SLC38A7: variants seen among roughly 807,000 people sequenced by gnomAD.
SLC38A7 encodes solute carrier family 38 member 7, also known as sodium-coupled neutral amino acid transporter 7.
SLC38A7 carries 29 observed loss-of-function variants against 50.1 expected under a neutral mutation model. The ratio of observed to expected loss-of-function variants is 0.58; its 90% CI spans 0.43 to 0.79. The LOEUF is 0.79. SLC38A7 is among the 30% of genes least tolerant of loss of function. The pLI, the probability that SLC38A7 is intolerant of heterozygous loss-of-function variation, is 0.00. For missense variants in SLC38A7, 483 were observed against 610.6 expected, an observed-to-expected ratio of 0.79 and a Z score of 2.20; for synonymous variants, 244 against 245.9, an observed-to-expected ratio of 0.99 and a Z score of 0.07.
intron 2 of SLC38A7, among the ~76,000 whole-genome samples, chr16:58,680,564 T>G (rs2044369186): frequency 6.6e-6 from 1 of 152,206 alleles, no homozygotes; most frequent in Non-Finnish European, 1.5e-5. Context: ...ATCCTTAGGA[T>G]GGTCTTGTGG....
chr16:58,680,432 C>T (rs1358752664), intron 2 of SLC38A7, among the ~76,000 whole-genome samples, 191 bp from the exon 3 acceptor site: 4 of 152,212 alleles, frequency 2.6e-5, no homozygotes, highest in Non-Finnish European at 5.9e-5. Flanking sequence ...ATCATGCTTG[C>T]TTCAGGCATA....
chr16:58,678,981 G>A lies in SLC38A7; in HGVS notation c.271-87C>T. 4 of 1,345,934 alleles carry A rather than the reference G, an allele frequency of 3.0e-6. No homozygotes were observed. The South Asian group carries it at 3.7e-5, about 13-fold the overall frequency. The allele number at this position is 1,345,934 out of a possible 1,614,324, so 83.4% of individuals were successfully genotyped here. On this transcript the variant is annotated intron_variant, in intron 3 of 11. Transcript: ENST00000219320. This position sits in a 1 kb window ranked among gnomAD's most constrained non-coding sequence, Gnocchi z 4.0. The stretch of plus-strand genomic sequence containing the variant: ...CTCGCCTAGCATTTACTGGGCCAGT[G>A]CCCAAAGCAAGCTTGGCAAATCTCA...
intron 2 of SLC38A7, chr16:58,681,561 C>G (rs2044388549): frequency 6.6e-6 from 1 of 152,038 alleles, no homozygotes; most frequent in African/African-American, 2.4e-5. Flanking sequence ...AGCATCAAGT[C>G]CACCCCCAGA....
At position 58,679,965 on chromosome 16, in the gene SLC38A7, A is replaced by T. The variant is rs765704434; in HGVS notation, c.162T>A (p.Leu54=). The stretch of plus-strand genomic sequence containing the variant: ...CGTTGACGACGATGAAGATGGCCCC[A>T]AGTGTGGAAGTGGTGCCTCTGTCCA... ...GGLDRGTTST[L]GAIFIVVNAC... The change falls in exon 3 of 12, where the codon CTT becomes CTA. Residue 54 remains leucine (L), a synonymous_variant. Transcript: ENST00000219320. The T allele has an allele frequency of 6.2e-7, 1 of 1,612,002 alleles. No homozygotes were observed.
At position 58,678,658 on chromosome 16, in the gene SLC38A7, T is replaced by G. The variant is rs752455332; in HGVS notation, c.469+38A>C. The G allele has an allele frequency of 4.4e-6, 7 of 1,607,284 alleles. No homozygotes were observed. The South Asian group carries it at 6.6e-5, about 15-fold the overall frequency. On this transcript the variant is annotated intron_variant, in intron 4 of 11. Coordinates refer to ENST00000219320, the MANE Select transcript of SLC38A7 (RefSeq NM_018231.3). The surrounding 1 kb of genome is among the most constrained non-coding windows in gnomAD (Gnocchi z 4.0). Reference sequence around the variant, plus strand: ...TCCACCCCAGGATCCCTGGGGCTGATAAGAAGAGATGGGGTAGGGACTGAG... The same window carrying G: ...TCCACCCCAGGATCCCTGGGGCTGAGAAGAAGAGATGGGGTAGGGACTGAG...
intron 8 of SLC38A7, among the ~76,000 whole-genome samples, chr16:58,674,663 A>G (rs555642786): frequency 8.4e-4 from 128 of 152,164 alleles, no homozygotes; most frequent in African/African-American, 3.0e-3. Context: ...CAATAATAAT[A>G]GTAATTAATT....
intron 11 of SLC38A7, among the ~76,000 whole-genome samples, chr16:58,667,804 G>C (rs946862685): frequency 3.9e-5 from 6 of 152,140 alleles, no homozygotes; most frequent in African/African-American, 1.4e-4. Flanking sequence ...TTAAAAAAAG[G>C]AAACAAAAAG....
intron 2 of SLC38A7, 135 bp downstream of exon 2, chr16:58,683,820 G>GA (rs1491427289): frequency 1.3e-5 from 2 of 152,396 alleles, no homozygotes; most frequent in African/African-American, 4.8e-5. Context: ...CCACCCACAT[G>GA]AGAGTGCAGG....
In SLC38A7 at chr16:58,679,947, G is replaced by C. The variant is rs565498517; in HGVS notation, c.180C>G (p.Val60=). ...ACCCTGCACCCAGGCACGCGTTGAC[G>C]ACGATGAAGATGGCCCCAAGTGTGG... ...TTSTLGAIFI[V]VNACLGAGLL... is the part of the protein sequence containing the mutation. Residue 60 remains valine (V), a synonymous_variant, in exon 3 of 12, where the codon GTC becomes GTG. Coordinates refer to ENST00000219320, the MANE Select transcript of SLC38A7 (RefSeq NM_018231.3). 1.9e-6 allele frequency: 3 copies of C among 1,611,874 alleles called. No homozygotes were observed. In the Admixed American group the frequency reaches 5.0e-5, roughly 27 times the overall value.
chr16:58,669,653 C>T (rs560733246), intron 11 of SLC38A7, among the ~76,000 whole-genome samples: 39 of 147,320 alleles, frequency 2.6e-4, no homozygotes, highest in Non-Finnish European at 4.2e-4. Context: ...AGCACACTAC[C>T]GAATTTTTAA....
chr16:58,682,054 G>A (rs1269797155), intron 2 of SLC38A7, among the ~76,000 whole-genome samples: 5 of 152,164 alleles, frequency 3.3e-5, no homozygotes, highest in Non-Finnish European at 7.3e-5. Flanking sequence ...CTGTGCAGGA[G>A]GCTGAGGCAG....
chr16:58,682,201 T>C (rs995578974), intron 2 of SLC38A7, among the ~76,000 whole-genome samples: 7 of 151,952 alleles, frequency 4.6e-5, no homozygotes, highest in Non-Finnish European at 7.4e-5. Context: ...CTGGTGCTAT[T>C]GGCCAGGTAA....
chr16:58,682,357 G>A (rs1438936166), intron 2 of SLC38A7, among the ~76,000 whole-genome samples: 2 of 152,164 alleles, frequency 1.3e-5, no homozygotes, highest in African/African-American at 2.4e-5. Context: ...CCAGGCTGGC[G>A]AAATCTGCCA....
rs752042803 is a variant in SLC38A7 at position 58,670,095 on chromosome 16, G to A, written c.1286+18C>T. The A allele has an allele frequency of 1.2e-6, 2 of 1,613,740 alleles. No individual in the cohort carries two copies. Among genetic ancestry groups the A allele is most frequent in the African/African-American group, 1.3e-5 (1 of 75,026 alleles). On this transcript the variant is annotated intron_variant, in intron 11 of 11. Coordinates refer to ENST00000219320, the MANE Select transcript of SLC38A7 (RefSeq NM_018231.3). ...CCAGCACCTCCCTGAGAGGATCAAG[G>A]GCTGGGTCCTGCTTTACCTGGCTGG...
Position 58,678,966 on chromosome 16 carries a change from A to G in SLC38A7, c.271-72T>C, listed in dbSNP as rs186841400. The G allele has an allele frequency of 2.8e-5, 42 of 1,484,170 alleles. No homozygotes were observed. The highest frequency in any genetic ancestry group is 3.8e-5 in the Non-Finnish European group (41 of 1,085,978). The allele number at this position is 1,484,170 out of a possible 1,614,324, so 91.9% of individuals were successfully genotyped here. ...AGAGGGCACCCTGGGCTCGCCTAGC[A>G]TTTACTGGGCCAGTGCCCAAAGCAA... On this transcript the variant is annotated intron_variant, in intron 3 of 11. Transcript: ENST00000219320. This position sits in a 1 kb window ranked among gnomAD's most constrained non-coding sequence, Gnocchi z 4.0.
chr16:58,672,250 G>A lies in SLC38A7; in HGVS notation c.884-7C>T, dbSNP rs750837010. 5 of 1,577,730 alleles carry A rather than the reference G, an allele frequency of 3.2e-6. No individual in the cohort carries two copies. Among genetic ancestry groups the A allele is most frequent in the South Asian group, 1.2e-5 (1 of 85,892 alleles). ...GTCAGGAAGCCACAGATGCCTGTGG[G>A]CAGGGACAACTGGGTCAGGGCAACC... On this transcript the variant is annotated splice_polypyrimidine_tract_variant and splice_region_variant and intron_variant, in intron 8 of 11. Transcript: ENST00000219320.
rs534350664 is a variant in SLC38A7 at position 58,679,082 on chromosome 16, T to A, written c.271-188A>T. Among the ~76,000 whole-genome samples, 3 of 152,288 alleles carry A rather than the reference T, an allele frequency of 2.0e-5. No homozygotes were observed. In the South Asian group the frequency reaches 6.2e-4, roughly 32 times the overall value. ...TAAAAACAAAAAGTTTTTTGAAAAA[T>A]TGCCAACATACAAAAGTAAAGAGAA... is the stretch of plus-strand genomic sequence containing the variant. On this transcript the variant is annotated intron_variant, in intron 3 of 11. Transcript: ENST00000219320.
chr16:58,675,863 C>A, intron 8 of SLC38A7, 77 bp downstream of exon 8: 7 of 1,178,342 alleles, frequency 5.9e-6, no homozygotes, highest in Non-Finnish European at 7.3e-6. Context: ...CCCAGGAAAG[C>A]TAGGCCCCAG....
chr16:58,676,190 T>C, intron 7 of SLC38A7, 99 bp downstream of exon 7: 1 of 1,578,048 alleles, frequency 6.3e-7, no homozygotes. Flanking sequence ...CCCCCCAGGA[T>C]TTCCTCCATT....
Sources: gnomAD v4.1 joint callset for allele counts (sites outside exome capture counted in the v4.1 genomes callset) on GRCh38, gnomAD v4.1.1 for gene constraint, Gnocchi (gnomAD v3.1) non-coding constraint, MANE v1.5 for transcripts, NCBI Gene and HGNC (gene_info 2026-07-23, HGNC 2026-07-21) for gene names.